RETREG1: variants seen among roughly 807,000 people sequenced by gnomAD.
RETREG1 encodes reticulophagy regulator 1.
In RETREG1, 44 loss-of-function variants were observed where a neutral mutation model predicts 54.8. The observed-to-expected ratio is 0.80, with a 90% CI of 0.63 to 1.03. RETREG1 has a LOEUF of 1.03. Among genes scored for constraint, RETREG1 ranks in the 50% least tolerant of loss-of-function variants. The pLI is 0.00. For synonymous variants in RETREG1, 217 were observed against 238.5 expected (o/e 0.91, Z 0.83); for missense variants, 554 against 605.1 (o/e 0.92, Z 0.89).
intron 1 of RETREG1, chr5:16,616,344 C>T (rs944309013): frequency 5.3e-6 from 2 of 376,570 alleles, no homozygotes; most frequent in African/African-American, 2.1e-5. Context: ...TTTTAGAAAG[C>T]AGGGGCGAAG....
intron 1 of RETREG1, among the ~76,000 whole-genome samples, chr5:16,577,665 C>T (rs1442148858): frequency 6.6e-6 from 1 of 152,084 alleles, no homozygotes; most frequent in Non-Finnish European, 1.5e-5. Flanking sequence ...GCTGTGTCCC[C>T]ACCCAGATCT....
chr5:16,535,516 G>T (rs891900505), intron 3 of RETREG1, among the ~76,000 whole-genome samples: 8 of 152,058 alleles, frequency 5.3e-5, no homozygotes, highest in African/African-American at 1.9e-4. Flanking sequence ...AGTGGGAGCT[G>T]GAATTCCTGC....
chr5:16,491,143 T>A (rs762204762), intron 3 of RETREG1, among the ~76,000 whole-genome samples: 2 of 152,216 alleles, frequency 1.3e-5, no homozygotes, highest in Non-Finnish European at 2.9e-5. Flanking sequence ...ACTGTCCCAA[T>A]GTCCTCCACA....
intron 3 of RETREG1, among the ~76,000 whole-genome samples, chr5:16,502,697 A>G (rs1462096925): frequency 1.3e-5 from 2 of 152,090 alleles, no homozygotes; most frequent in African/African-American, 2.4e-5. Flanking sequence ...TTTCCCCCAT[A>G]CTATTTTTAT....
intron 3 of RETREG1, among the ~76,000 whole-genome samples, chr5:16,524,490 A>G (rs945718076): frequency 1.3e-5 from 2 of 152,168 alleles, no homozygotes; most frequent in Non-Finnish European, 2.9e-5. Flanking sequence ...CTTTACATCC[A>G]TCTACTTTCA....
intron 3 of RETREG1, among the ~76,000 whole-genome samples, chr5:16,495,987 A>T (rs940483410): frequency 6.6e-6 from 1 of 152,070 alleles, no homozygotes; most frequent in Admixed American, 6.5e-5. Flanking sequence ...AAATAAATTG[A>T]TGTATTAGGC....
At chr5:16,501,476 G>A (rs903986853) in intron 3 of RETREG1, among the ~76,000 whole-genome samples, 1 of 152,224 alleles carries the variant, frequency 6.6e-6, no homozygotes, top group Non-Finnish European at 1.5e-5. Context: ...TTTATCAAGC[G>A]ACTACGCATC....
At chr5:16,602,109 G>A (rs1371695423) in intron 1 of RETREG1, among the ~76,000 whole-genome samples, 3 of 152,186 alleles carry the variant, frequency 2.0e-5, no homozygotes, top group East Asian at 3.9e-4. Context: ...CCTAGAGAAC[G>A]TGCTCTCCCC....
intron 2 of RETREG1, 119 bp downstream of exon 2, chr5:16,571,877 G>A: frequency 1.4e-6 from 1 of 722,990 alleles, no homozygotes; most frequent in Non-Finnish European, 2.4e-6. Context: ...AAACAGCTAA[G>A]TCAATGCCTA....
chr5:16,529,732 C>G (rs1163155542), intron 3 of RETREG1, among the ~76,000 whole-genome samples: 1 of 152,012 alleles, frequency 6.6e-6, no homozygotes, highest in Admixed American at 6.6e-5. Context: ...TTTTTACATC[C>G]TTAATTGCAC....
In RETREG1 at chr5:16,474,457, C is replaced by G. The variant is rs1738432697; in HGVS notation, c.*284G>C. On this transcript the variant is annotated 3_prime_UTR_variant, in exon 9 of 9. Transcript: ENST00000306320. ...TTAATAGTTTGGTTTTTGTTTTTTT[C>G]TTTTTGCTTTAAAAACAACCCCTAA... 4.0e-5 allele frequency: 12 copies of G among 302,028 alleles called. No individual in the cohort carries two copies. The highest frequency in any genetic ancestry group is 3.0e-5 in the Non-Finnish European group (5 of 164,106). 18.7% of individuals were successfully genotyped at this position (302,028 alleles called of 1,614,324 possible). A position where few individuals can be genotyped will look rare whatever the true frequency, so the allele number is the denominator to read the frequency against.
intron 4 of RETREG1, among the ~76,000 whole-genome samples, chr5:16,482,261 G>A (rs972501740): frequency 1.3e-5 from 2 of 151,964 alleles, no homozygotes; most frequent in Non-Finnish European, 2.9e-5. Context: ...CCAGAATTTA[G>A]TTTTACAAAG....
intron 1 of RETREG1, among the ~76,000 whole-genome samples, chr5:16,612,686 T>C (rs577402305): frequency 4.5e-4 from 69 of 152,352 alleles, no homozygotes; most frequent in African/African-American, 1.4e-3. Flanking sequence ...ACAGGCACTC[T>C]ATGTGGCCTC....
chr5:16,610,157 G>A (rs1324276217), intron 1 of RETREG1, among the ~76,000 whole-genome samples: 3 of 152,138 alleles, frequency 2.0e-5, no homozygotes, highest in Admixed American at 2.0e-4. Flanking sequence ...ACATCAAGTG[G>A]GAGGTTGAAC....
intron 1 of RETREG1, among the ~76,000 whole-genome samples, chr5:16,582,152 C>A (rs543000749): frequency 6.6e-6 from 1 of 152,212 alleles, no homozygotes; most frequent in South Asian, 2.1e-4. Context: ...AATAAATACC[C>A]CATTTGTCAT....
chr5:16,486,912 G>GCA (rs1471071507), intron 3 of RETREG1, among the ~76,000 whole-genome samples: 1 of 152,006 alleles, frequency 6.6e-6, no homozygotes, highest in Non-Finnish European at 1.5e-5. Flanking sequence ...GGTGTCATCT[G>GCA]CACACACACA....
rs1042633727 is a variant in RETREG1, at chr5:16,559,266, C to T, written c.458+6497G>A. ...CCTAAGAGTTTGAGAGATAGACAGGCTGAGGACGCCCACAATCTGACCAAG... is the reference window on the plus strand; with the variant it reads ...CCTAAGAGTTTGAGAGATAGACAGGTTGAGGACGCCCACAATCTGACCAAG... On this transcript the variant is annotated intron_variant, in intron 3 of 8. Transcript: ENST00000306320. Among the ~76,000 whole-genome samples, 3 of 151,930 alleles carry T rather than the reference C, an allele frequency of 2.0e-5. No individual in the cohort carries two copies. The South Asian group carries it at 6.2e-4, about 32-fold the overall frequency.
chr5:16,548,698 A>G (rs996434326), intron 3 of RETREG1, among the ~76,000 whole-genome samples: 1 of 152,250 alleles, frequency 6.6e-6, no homozygotes, highest in Non-Finnish European at 1.5e-5. Context: ...GATCTTGAGA[A>G]TACTGTTATA....
chr5:16,526,450 C>A (rs1237307486), intron 3 of RETREG1, among the ~76,000 whole-genome samples: 2 of 152,188 alleles, frequency 1.3e-5, no homozygotes, highest in African/African-American at 4.8e-5. Context: ...AGGCTCCCCC[C>A]AAGCATTACA....
Sources: gnomAD v4.1 joint callset for allele counts (sites outside exome capture counted in the v4.1 genomes callset) on GRCh38, gnomAD v4.1.1 for gene constraint, MANE v1.5 for transcripts, NCBI Gene and HGNC (gene_info 2026-07-23, HGNC 2026-07-21) for gene names.